Variants in DPF3 observed in about 807,000 individuals in gnomAD.
DPF3 encodes the protein double PHD fingers 3.
Under a neutral mutation model 56.8 loss-of-function variants are expected in DPF3, and 18 were observed. The observed-to-expected ratio is 0.32, with a 90% CI of 0.22 to 0.47. The LOEUF (loss-of-function observed/expected upper bound fraction) is 0.47. DPF3 is among the 20% of genes least tolerant of loss of function. DPF3 has a pLI of 1.00. For synonymous variants in DPF3, 188 were observed against 180.2 expected (o/e 1.04, Z -0.35); for missense variants, 403 against 488.8 (o/e 0.82, Z 1.65).
Position 72,714,469 on chromosome 14 carries a change from G to A in DPF3, c.558C>T (p.His186=), listed in dbSNP as rs373417700. The part of the protein sequence containing the change: ...ARGSAGGRRR[H]DAASQEDHDK... ...CGTGGTCTTCCTGAGAGGCGGCGTC[G>A]TGCCTCCTCCTGCCCCCTGCAGAGC... is the stretch of plus-strand genomic sequence containing the variant. Residue 186 remains histidine, a synonymous_variant, in exon 6 of 11, where the codon CAC becomes CAT. Transcript: ENST00000556509. 2.7e-4 allele frequency: 437 copies of A among 1,613,734 alleles called. No homozygotes were observed. The highest frequency in any genetic ancestry group is 3.6e-4 in the Non-Finnish European group (424 of 1,179,790).
At chr14:72,753,030 G>A (rs1170390545) in intron 3 of DPF3, among the ~76,000 whole-genome samples, 5 of 152,142 alleles carry the variant, frequency 3.3e-5, no homozygotes, top group South Asian at 2.1e-4. Context: ...TCCTCCCTGG[G>A]GTGGCAAAGG....
chr14:72,634,384 T>C (rs1885327052), intron 8 of DPF3, among the ~76,000 whole-genome samples: 2 of 152,132 alleles, frequency 1.3e-5, no homozygotes, highest in Non-Finnish European at 1.5e-5. Flanking sequence ...AAAAATTACT[T>C]CAATAATACA....
chr14:72,832,923 A>G (rs547942883), intron 1 of DPF3, among the ~76,000 whole-genome samples: 38 of 152,322 alleles, frequency 2.5e-4, no homozygotes, highest in African/African-American at 8.9e-4. Context: ...GGAATTCCTT[A>G]TGGCTGAAGT....
intron 10 of DPF3, among the ~76,000 whole-genome samples, chr14:72,619,640 C>G (rs570817581): frequency 6.6e-6 from 1 of 152,298 alleles, no homozygotes; most frequent in Admixed American, 6.5e-5. Context: ...AAGCTCACAC[C>G]TCCCGGTCAT....
intron 1 of DPF3, among the ~76,000 whole-genome samples, chr14:72,891,314 T>TTC (rs1886744163): frequency 3.3e-4 from 1 of 3,016 alleles, no homozygotes; most frequent in South Asian, 0.025. Flanking sequence ...TGGTGTTGGC[T>TTC]TTTTTTTTTT....
chr14:72,684,134 C>T (rs576670649), intron 7 of DPF3, among the ~76,000 whole-genome samples: 3 of 152,278 alleles, frequency 2.0e-5, no homozygotes, highest in South Asian at 4.1e-4. Context: ...GCAACCTCAA[C>T]CTCCTGGCTT....
At chr14:72,627,895 T>C (rs1459864858) in intron 9 of DPF3, among the ~76,000 whole-genome samples, 1 of 152,126 alleles carries the variant, frequency 6.6e-6, no homozygotes, top group Non-Finnish European at 1.5e-5. Flanking sequence ...TTCTTCTTTG[T>C]TGCTATTATA....
At position 72,782,836 on chromosome 14, in the gene DPF3, GA is replaced by G. The variant is rs34410570; in HGVS notation, c.33-10944del. ...CGACAGAGCGAGACTCCATCTCAAA[GA>G]AAAAAAAAAAGTGGAAATCAGGCCA... On this transcript the variant is annotated intron_variant, in intron 1 of 10. Transcript: ENST00000556509. 2.8e-3 allele frequency among the ~76,000 whole-genome samples: 411 copies of G among 146,086 alleles called. 4 individuals carry two copies. The highest frequency in any genetic ancestry group is 8.8e-3 in the African/African-American group (354 of 40,118).
rs966569378 is a variant in DPF3 at position 72,745,279 on chromosome 14, T to G, written c.301+7985A>C. On this transcript the variant is annotated intron_variant, in intron 3 of 10. Coordinates refer to ENST00000556509, the MANE Select transcript of DPF3 (RefSeq NM_001280542.3). ...AATTTGCTTTTTGTTGTGCAATTTG[T>G]TTTTTTTCGCCACTTAGCAATATAT... 2.1e-4 allele frequency among the ~76,000 whole-genome samples: 32 copies of G among 151,836 alleles called. 1 individual carries two copies. Among genetic ancestry groups the G allele is most frequent in the South Asian group, 2.1e-4 (1 of 4,798 alleles).
At chr14:72,845,009 A>G (rs1884692891) in intron 1 of DPF3, among the ~76,000 whole-genome samples, 1 of 152,170 alleles carries the variant, frequency 6.6e-6, no homozygotes, top group African/African-American at 2.4e-5. Flanking sequence ...AGTTTCAGCT[A>G]CTTGAGGATC....
intron 1 of DPF3, among the ~76,000 whole-genome samples, chr14:72,890,485 T>A (rs1886705899): frequency 6.6e-6 from 1 of 150,934 alleles, no homozygotes; most frequent in South Asian, 2.1e-4. Flanking sequence ...AGCAACACCC[T>A]GTCTCAAAAA....
intron 1 of DPF3, among the ~76,000 whole-genome samples, chr14:72,876,537 C>A (rs999594529): frequency 3.9e-5 from 6 of 152,174 alleles, no homozygotes; most frequent in African/African-American, 1.4e-4. Context: ...TCACGGACAC[C>A]CCCCACCTAC....
intron 7 of DPF3, among the ~76,000 whole-genome samples, chr14:72,686,615 C>T (rs765611362): frequency 6.6e-6 from 1 of 152,174 alleles, no homozygotes; most frequent in Non-Finnish European, 1.5e-5. Context: ...CTGCAAGGAC[C>T]AGAGCAACTC....
chr14:72,791,213 A>G (rs1000390408), intron 1 of DPF3, among the ~76,000 whole-genome samples: 2 of 152,006 alleles, frequency 1.3e-5, no homozygotes, highest in African/African-American at 4.8e-5. Flanking sequence ...ACATGTTACT[A>G]AACACTCCTC....
chr14:72,731,530 G>A (rs1376431916), intron 4 of DPF3: 5 of 410,230 alleles, frequency 1.2e-5, no homozygotes, highest in Non-Finnish European at 2.3e-5. Context: ...CTGGGACCCT[G>A]CACAGTCCCT....
At position 72,615,695 on chromosome 14, in the gene DPF3, G is replaced by C. The variant is rs1052577143; in HGVS notation, c.*3602C>G. The stretch of plus-strand genomic sequence containing the variant: ...GCTTCCTACCTCGCCCTGGGGCAGG[G>C]ACAGGAGCAGGGGAGCCTTGGGACC... On this transcript the variant is annotated 3_prime_UTR_variant, in exon 11 of 11. Transcript: ENST00000556509. Among the ~76,000 whole-genome samples, 1 of 152,252 alleles carries C rather than the reference G, an allele frequency of 6.6e-6. No individual in the cohort carries two copies. Among genetic ancestry groups the C allele is most frequent in the African/African-American group, 2.4e-5 (1 of 41,456 alleles).
rs568816238 is a variant in DPF3, at chr14:72,700,550, TA to T, written c.605-7338del. On this transcript the variant is annotated intron_variant, in intron 6 of 10. Coordinates refer to ENST00000556509, the MANE Select transcript of DPF3 (RefSeq NM_001280542.3). ...TCAGGCATAAAATTCCCTTCTGAGA[TA>T]ATCTTGAAAGTCTGGCCAGAGTGAT... Among the ~76,000 whole-genome samples the T allele has an allele frequency of 1.4e-4, 22 of 152,294 alleles. No homozygotes were observed. In the South Asian group the frequency reaches 3.9e-3, roughly 27 times the overall value.
Position 72,751,772 on chromosome 14 carries a change from T to TA in DPF3, c.301+1491dup, listed in dbSNP as rs575042549. 2.9e-3 allele frequency among the ~76,000 whole-genome samples: 440 copies of TA among 152,348 alleles called. 2 individuals are homozygous for TA. Among genetic ancestry groups the TA allele is most frequent in the African/African-American group, 0.01 (422 of 41,582 alleles). ...TTCCCCTGTTTCTTTTTCCTTTTTT[T>TA]AATGTAACCACTAGACAAAGTAAAA... On this transcript the variant is annotated intron_variant, in intron 3 of 10. Coordinates refer to ENST00000556509, the MANE Select transcript of DPF3 (RefSeq NM_001280542.3).
intron 8 of DPF3, among the ~76,000 whole-genome samples, chr14:72,648,077 C>A (rs1468138063): frequency 6.6e-6 from 1 of 152,220 alleles, no homozygotes; most frequent in Non-Finnish European, 1.5e-5. Context: ...TTGGCCTATA[C>A]CAAGCACAGA....
Sources: gnomAD v4.1 joint callset for allele counts (sites outside exome capture counted in the v4.1 genomes callset) on GRCh38, gnomAD v4.1.1 for gene constraint, MANE v1.5 for transcripts, NCBI Gene and HGNC (gene_info 2026-07-23, HGNC 2026-07-21) for gene names.